Variants in ZRANB3 observed in about 807,000 individuals in gnomAD.
ZRANB3 encodes zinc finger RANBP2-type containing 3.
In ZRANB3, 125 loss-of-function variants were observed where a neutral mutation model predicts 133.8. That is an observed-to-expected ratio of 0.93 (90% CI 0.81 to 1.08). The LOEUF is 1.08. Among genes scored for constraint, ZRANB3 ranks in the 50% least tolerant of loss-of-function variants. The probability of loss-of-function intolerance (pLI) is 0.00; values close to 1 mark genes in which losing one functional copy is unlikely to be tolerated. For synonymous variants in ZRANB3, 387 were observed against 432.7 expected, an observed-to-expected ratio of 0.89 and a Z score of 1.31; for missense variants, 1,229 against 1,275.5, an observed-to-expected ratio of 0.96 and a Z score of 0.56.
intron 2 of ZRANB3, among the ~76,000 whole-genome samples, chr2:135,403,656 C>A (rs1039346350): frequency 6.6e-6 from 1 of 152,100 alleles, no homozygotes; most frequent in Admixed American, 6.6e-5. Context: ...ACTGCCTCCT[C>A]AAGTGGGTCC....
At chr2:135,286,600 A>G (rs1331755409) in intron 8 of ZRANB3, among the ~76,000 whole-genome samples, 1 of 152,132 alleles carries the variant, frequency 6.6e-6, no homozygotes, top group Non-Finnish European at 1.5e-5. Flanking sequence ...TTTTTAAATG[A>G]TAGCCATTCT....
intron 6 of ZRANB3, among the ~76,000 whole-genome samples, chr2:135,332,306 C>T (rs1033726433): frequency 3.9e-5 from 6 of 152,190 alleles, no homozygotes; most frequent in Middle Eastern, 3.4e-3. Context: ...GCCACAAAGA[C>T]AGAAGTCTAA....
intron 2 of ZRANB3, among the ~76,000 whole-genome samples, chr2:135,482,690 G>C (rs1691883988): frequency 6.6e-6 from 1 of 152,190 alleles, no homozygotes; most frequent in Non-Finnish European, 1.5e-5. Flanking sequence ...TCCCTGTCTT[G>C]TGCCAGTTTT....
At chr2:135,221,721 ACT>A (rs1694561886) in intron 15 of ZRANB3, among the ~76,000 whole-genome samples, 1 of 152,308 alleles carries the variant, frequency 6.6e-6, no homozygotes, top group Admixed American at 6.5e-5. Flanking sequence ...TGGCTCAGGC[ACT>A]TAAACCTGCC....
rs571471875 is a variant in ZRANB3 at position 135,207,809 on chromosome 2, G to A, written c.2634C>T (p.Val878=). The A allele has an allele frequency of 6.3e-7, 1 of 1,595,948 alleles. No individual in the cohort carries two copies. Among genetic ancestry groups the A allele is most frequent in the African/African-American group, 1.3e-5 (1 of 74,730 alleles). The change falls in exon 19 of 21, where the codon GTC becomes GTT. Residue 878 remains valine (V), a synonymous_variant. Coordinates refer to ENST00000264159, the MANE Select transcript of ZRANB3 (RefSeq NM_032143.4). ...TKKLLEDGAC[V]PFLNPYTVQA... ...GGACTGTGTATGGATTTAGAAATGG[G>A]ACACAGGCTCCATCTTCAAGAAGTT...
chr2:135,437,378 C>A (rs948946291), intron 2 of ZRANB3, among the ~76,000 whole-genome samples: 2 of 152,156 alleles, frequency 1.3e-5, no homozygotes, highest in African/African-American at 4.8e-5. Context: ...GAGTGTACAA[C>A]GTGTTATTCT....
rs1684878689 is a variant in ZRANB3, at chr2:135,345,575, T to C, written c.652A>G (p.Lys218Glu). The stretch of plus-strand genomic sequence containing the variant: ...CTGATGTGTGCATTACAGTATCTTT[T>C]TGCATAGTCGGTCCATCTTCCAAAT... ...QKFGRWTDYA[K>E]RYCNAHIRYF... The change falls in exon 6 of 21, where the codon AAA (lysine) becomes GAA (glutamate). Residue 218 changes from lysine to glutamate, a missense_variant. By Grantham distance (56) the Lys-to-Glu change is moderately conservative. Coordinates refer to ENST00000264159, the MANE Select transcript of ZRANB3 (RefSeq NM_032143.4). The C allele has an allele frequency of 6.2e-7, 1 of 1,612,694 alleles. No individual in the cohort carries two copies. The highest frequency in any genetic ancestry group is 1.3e-5 in the African/African-American group (1 of 74,900).
At chr2:135,312,058 T>C (rs1212604537) in intron 8 of ZRANB3, among the ~76,000 whole-genome samples, 1 of 151,950 alleles carries the variant, frequency 6.6e-6, no homozygotes, top group African/African-American at 2.4e-5. Flanking sequence ...TTCATGGTAC[T>C]GATGTTTATC....
chr2:135,360,449 G>GT (rs774042848), intron 3 of ZRANB3, among the ~76,000 whole-genome samples: 27 of 151,608 alleles, frequency 1.8e-4, no homozygotes, highest in Non-Finnish European at 3.5e-4. Context: ...GCTCATGCCT[G>GT]TATCCCAGCA....
intron 2 of ZRANB3, among the ~76,000 whole-genome samples, chr2:135,460,618 C>A (rs993134800): frequency 6.6e-6 from 1 of 151,910 alleles, no homozygotes; most frequent in Non-Finnish European, 1.5e-5. Context: ...GAAGCATTAT[C>A]AATTATGTAA....
At chr2:135,510,525 C>A in intron 1 of ZRANB3, 1 of 632,108 alleles carries the variant, frequency 1.6e-6, no homozygotes, top group South Asian at 1.8e-5. Flanking sequence ...TTTGTATGGC[C>A]GCGTGAAGAT....
intron 2 of ZRANB3, among the ~76,000 whole-genome samples, chr2:135,456,364 C>A (rs1016781423): frequency 1.1e-4 from 17 of 152,288 alleles, no homozygotes; most frequent in African/African-American, 3.8e-4. Flanking sequence ...GAAGTGTCTT[C>A]TGCTAATATT....
At chr2:135,301,188 T>A (rs1038300738) in intron 8 of ZRANB3, among the ~76,000 whole-genome samples, 87 of 150,624 alleles carry the variant, frequency 5.8e-4, no homozygotes, top group Non-Finnish European at 6.8e-4. Flanking sequence ...TATGTTTATT[T>A]TTTTTTTTTT....
In ZRANB3 at chr2:135,265,786, A is replaced by G. The variant is rs1302336161; in HGVS notation, c.1387-100T>C. On this transcript the variant is annotated intron_variant, in intron 11 of 20. Transcript: ENST00000264159. ...GCATTTAAATCATAAGCTACCCACTAAGAAAATCTTACTGTTCCAACATAT... is the reference window on the plus strand; with the variant it reads ...GCATTTAAATCATAAGCTACCCACTGAGAAAATCTTACTGTTCCAACATAT... The G allele has an allele frequency of 1.1e-5, 14 of 1,260,526 alleles. No individual in the cohort carries two copies. In the East Asian group the frequency reaches 3.5e-4, roughly 32 times the overall value. 78.1% of individuals were successfully genotyped at this position (1,260,526 alleles called of 1,614,324 possible). A position where few individuals can be genotyped will look rare whatever the true frequency, so the allele number is the denominator to read the frequency against.
chr2:135,241,838 G>T (rs1315256989), intron 12 of ZRANB3, among the ~76,000 whole-genome samples: 2 of 152,182 alleles, frequency 1.3e-5, no homozygotes, highest in African/African-American at 4.8e-5. Flanking sequence ...ATGAGAACTA[G>T]TGGTACTGGA....
At chr2:135,314,311 A>G (rs935696166) in intron 7 of ZRANB3, among the ~76,000 whole-genome samples, 6 of 152,240 alleles carry the variant, frequency 3.9e-5, no homozygotes, top group Non-Finnish European at 1.5e-5. Flanking sequence ...AATAAAATTA[A>G]TATGAAGTAC....
At chr2:135,386,126 G>T (rs1426931497) in intron 3 of ZRANB3, among the ~76,000 whole-genome samples, 2 of 151,532 alleles carry the variant, frequency 1.3e-5, no homozygotes, top group Non-Finnish European at 2.9e-5. Flanking sequence ...AATCTACAGA[G>T]AACTCAAACA....
chr2:135,481,931 T>C (rs1405096984), intron 2 of ZRANB3, among the ~76,000 whole-genome samples: 4 of 140,800 alleles, frequency 2.8e-5, no homozygotes, highest in East Asian at 4.0e-4. Flanking sequence ...GTTGTAGATA[T>C]GCGGCGTTAT....
chr2:135,426,705 G>A (rs368688023), intron 2 of ZRANB3, among the ~76,000 whole-genome samples: 14 of 149,498 alleles, frequency 9.4e-5, no homozygotes, highest in East Asian at 5.9e-4. Flanking sequence ...GGTGGTGAGC[G>A]CCAGTAGTCC....
Sources: allele counts gnomAD v4.1 joint callset (sites outside exome capture counted in the v4.1 genomes callset), GRCh38; gene constraint gnomAD v4.1.1; transcripts MANE v1.5; gene names NCBI Gene and HGNC (gene_info 2026-07-23, HGNC 2026-07-21).